ZMYND11: variants seen among roughly 807,000 people sequenced by gnomAD.
ZMYND11 encodes the protein zinc finger MYND-type containing 11.
Under a neutral mutation model 84.9 loss-of-function variants are expected in ZMYND11, and 9 were observed. The observed-to-expected ratio is 0.11, with a 90% confidence interval of 0.06 to 0.18. The LOEUF (loss-of-function observed/expected upper bound fraction) is 0.18. ZMYND11 is among the 10% of genes least tolerant of loss of function. The pLI is 1.00. For missense variants in ZMYND11, 409 were observed against 761.0 expected, an observed-to-expected ratio of 0.54 and a Z score of 5.44; for synonymous variants, 250 against 244.1, an observed-to-expected ratio of 1.02 and a Z score of -0.23.
intron 1 of ZMYND11, among the ~76,000 whole-genome samples, chr10:151,846 A>G (rs1379970908): frequency 3.9e-5 from 6 of 152,244 alleles, no homozygotes; most frequent in Non-Finnish European, 7.3e-5. Context: ...AGGGAAGCCC[A>G]TCAGACTAAC....
At chr10:172,625 C>G (rs782315637) in intron 1 of ZMYND11, among the ~76,000 whole-genome samples, 4 of 152,078 alleles carry the variant, frequency 2.6e-5, no homozygotes, top group African/African-American at 9.7e-5. Context: ...TGAGATATTC[C>G]ATGTTCATGG....
At chr10:220,233 C>T (rs1237482782) in intron 3 of ZMYND11, among the ~76,000 whole-genome samples, 1 of 152,036 alleles carries the variant, frequency 6.6e-6, no homozygotes, top group African/African-American at 2.4e-5. Context: ...TGTCAGGGTC[C>T]CTACTGGAAG....
chr10:201,862 AT>A (rs1172895283), intron 2 of ZMYND11, among the ~76,000 whole-genome samples: 1 of 152,192 alleles, frequency 6.6e-6, no homozygotes, highest in African/African-American at 2.4e-5. Flanking sequence ...TTTACATGCC[AT>A]TTCCTGACCT....
chr10:188,887 G>A (rs1197045967), intron 2 of ZMYND11, among the ~76,000 whole-genome samples: 1 of 152,176 alleles, frequency 6.6e-6, no homozygotes, highest in Non-Finnish European at 1.5e-5. Flanking sequence ...GTGATTGAGG[G>A]AGGTTGGCTT....
chr10:179,097 T>G (rs1423915924), intron 1 of ZMYND11, among the ~76,000 whole-genome samples: 1 of 152,186 alleles, frequency 6.6e-6, no homozygotes, highest in Non-Finnish European at 1.5e-5. Flanking sequence ...CATGATAACA[T>G]GTATGATCTA....
intron 1 of ZMYND11, among the ~76,000 whole-genome samples, chr10:164,314 A>C (rs1843527652): frequency 6.6e-6 from 1 of 152,006 alleles, no homozygotes; most frequent in Non-Finnish European, 1.5e-5. Flanking sequence ...TTCACTATTT[A>C]AGTCTTTCCT....
chr10:135,373 CG>C (rs1233974730), upstream of ZMYND11: 8 of 148,660 alleles, frequency 5.4e-5, no homozygotes, highest in East Asian at 8.2e-4. The surrounding 1 kb of genome is among the most constrained non-coding windows in gnomAD (Gnocchi z 5.6). Flanking sequence ...GGGGTCCGGG[CG>C]GGGGGGAGCC....
At chr10:138,396 T>TGTGAGC (rs1466795099) in intron 1 of ZMYND11, among the ~76,000 whole-genome samples, 1 of 152,110 alleles carries the variant, frequency 6.6e-6, no homozygotes, top group Non-Finnish European at 1.5e-5. Flanking sequence ...AGATTACAGA[T>TGTGAGC]GTGAGCCACC....
chr10:187,763 A>G (rs1939144259), intron 2 of ZMYND11, among the ~76,000 whole-genome samples: 1 of 152,238 alleles, frequency 6.6e-6, no homozygotes. Flanking sequence ...TTTTTGATTA[A>G]CGATGAAACT....
chr10:188,460 G>T (rs1239595117), intron 2 of ZMYND11, among the ~76,000 whole-genome samples: 1 of 151,824 alleles, frequency 6.6e-6, no homozygotes, highest in Admixed American at 6.6e-5. Context: ...GGGTGTGGTG[G>T]TGTATGCCTG....
intron 2 of ZMYND11, among the ~76,000 whole-genome samples, chr10:209,323 C>G (rs1041460180): frequency 6.6e-6 from 1 of 152,102 alleles, no homozygotes; most frequent in Non-Finnish European, 1.5e-5. Context: ...TTCAGTGACT[C>G]AAAGTATATT....
chr10:240,243 C>A, intron 8 of ZMYND11, 132 bp downstream of exon 8: 2 of 737,152 alleles, frequency 2.7e-6, no homozygotes, highest in Non-Finnish European at 4.1e-6. Context: ...TGGGGGCTCA[C>A]GCCTGTAATC....
chr10:131,425 C>A (rs190256807), upstream of ZMYND11, among the ~76,000 whole-genome samples: 43 of 152,302 alleles, frequency 2.8e-4, no homozygotes, highest in Non-Finnish European at 3.2e-4. Context: ...TGGAACTAGG[C>A]CTGGCAAGCA....
intron 1 of ZMYND11, among the ~76,000 whole-genome samples, chr10:163,104 C>G (rs1226326379): frequency 6.6e-6 from 1 of 152,084 alleles, no homozygotes; most frequent in Non-Finnish European, 1.5e-5. Flanking sequence ...TTTAGTCGGC[C>G]TTCACTAGTT....
intron 4 of ZMYND11, 72 bp downstream of exon 4, chr10:221,428 C>T: frequency 6.7e-7 from 1 of 1,499,226 alleles, no homozygotes; most frequent in Non-Finnish European, 9.1e-7. Context: ...AAAAAGATAT[C>T]CCAGGTGGTC....
rs750639752 is a variant in ZMYND11 at position 212,411 on chromosome 10, GTATAA to G, written c.276+2369_276+2373del. 2.0e-5 allele frequency among the ~76,000 whole-genome samples: 3 copies of G among 151,860 alleles called. No homozygotes were observed. In the South Asian group the frequency reaches 6.3e-4, roughly 32 times the overall value. ...CAAACATTTTTATTCTAAAATGGCT[GTATAA>G]TATAAGCACAAGTGAATATATCAAA... On this transcript the variant is annotated intron_variant, in intron 3 of 14. Transcript: ENST00000381604.
At position 213,384 on chromosome 10, in the gene ZMYND11, G is replaced by A. The variant is rs574234316; in HGVS notation, c.276+3336G>A. On this transcript the variant is annotated intron_variant, in intron 3 of 14. Coordinates refer to ENST00000381604, the MANE Select transcript of ZMYND11 (RefSeq NM_001370100.5). Reference sequence around the variant, plus strand: ...AGTTTTACCACCTTATATATAGGATGAATCACTTTGATGTCTCTAAAAACT... The same window carrying A: ...AGTTTTACCACCTTATATATAGGATAAATCACTTTGATGTCTCTAAAAACT... Among the ~76,000 whole-genome samples the A allele has an allele frequency of 2.0e-5, 3 of 152,276 alleles. No individual in the cohort carries two copies. In the South Asian group the frequency reaches 6.2e-4, roughly 32 times the overall value.
intron 1 of ZMYND11, among the ~76,000 whole-genome samples, chr10:147,139 G>A (rs1056737893): frequency 6.6e-5 from 10 of 152,298 alleles, no homozygotes; most frequent in East Asian, 1.9e-4. Context: ...ATCAAATCTA[G>A]GATTCTTCTG....
chr10:221,461 A>G, intron 4 of ZMYND11, 105 bp downstream of exon 4: 1 of 1,148,562 alleles, frequency 8.7e-7, no homozygotes, highest in Non-Finnish European at 1.2e-6. Flanking sequence ...CGGATAAAGG[A>G]CTGGAGGGTG....
Sources: allele counts gnomAD v4.1 joint callset (sites outside exome capture counted in the v4.1 genomes callset), GRCh38; gene constraint gnomAD v4.1.1; non-coding constraint Gnocchi (gnomAD v3.1); transcripts MANE v1.5; gene names NCBI Gene and HGNC (gene_info 2026-07-23, HGNC 2026-07-21).